Variants in SNTG2 observed in about 807,000 individuals in gnomAD.
SNTG2 encodes gamma-2-syntrophin.
SNTG2 carries 74 observed loss-of-function variants against 70.9 expected under a neutral mutation model. The ratio of observed to expected loss-of-function variants is 1.04; its 90% confidence interval spans 0.86 to 1.27. SNTG2 has a LOEUF of 1.27. Ranked by LOEUF, SNTG2 falls within the 50% of genes most tolerant of loss-of-function variation. The pLI is 0.00. For missense variants in SNTG2, 717 were observed against 690.7 expected, an observed-to-expected ratio of 1.04 and a Z score of -0.43; for synonymous variants, 278 against 273.8, an observed-to-expected ratio of 1.02 and a Z score of -0.15.
At chr2:1,121,134 A>C (rs190856249) in intron 4 of SNTG2, among the ~76,000 whole-genome samples, 78 of 152,158 alleles carry the variant, frequency 5.1e-4, no homozygotes, top group South Asian at 1.0e-3. Flanking sequence ...GAAATTAAAC[A>C]GTATTGCCCT....
chr2:1,091,778 G>A (rs565685220), intron 2 of SNTG2, among the ~76,000 whole-genome samples: 1 of 152,250 alleles, frequency 6.6e-6, no homozygotes, highest in African/African-American at 2.4e-5. Flanking sequence ...CTAATCCCAG[G>A]ATATTGAAAT....
intron 14 of SNTG2, among the ~76,000 whole-genome samples, chr2:1,271,992 G>A (rs1679047766): frequency 6.6e-6 from 1 of 152,076 alleles, no homozygotes; most frequent in Non-Finnish European, 1.5e-5. Context: ...CATCCACCCT[G>A]GGGACTGGAA....
At chr2:1,239,597 T>C (rs565449651) in intron 10 of SNTG2, 141 bp from the exon 11 acceptor site, 2 of 772,184 alleles carry the variant, frequency 2.6e-6, no homozygotes, top group East Asian at 5.5e-5. Flanking sequence ...TGACTCTGGC[T>C]AGGTCTTCAG....
chr2:1,123,764 G>A (rs778445205), intron 4 of SNTG2, among the ~76,000 whole-genome samples: 1 of 152,184 alleles, frequency 6.6e-6, no homozygotes, highest in Non-Finnish European at 1.5e-5. Context: ...CCTATGGATT[G>A]GGAAAGTATA....
intron 14 of SNTG2, among the ~76,000 whole-genome samples, chr2:1,271,037 A>G (rs533604260): frequency 1.3e-5 from 2 of 152,316 alleles, no homozygotes; most frequent in Non-Finnish European, 2.9e-5. Context: ...AGGTCAGTAC[A>G]TTTTACAGAA....
rs1315444970 is a variant in SNTG2, at chr2:1,248,796, C to G, written c.1005+1353C>G. On this transcript the variant is annotated intron_variant, in intron 12 of 16. Transcript: ENST00000308624. ...GAGATGCATGAAGGGGCTGAGGTGT[C>G]GGAGGACTTCCATGGACCCATATCA... Among the ~76,000 whole-genome samples the G allele has an allele frequency of 3.3e-5, 5 of 152,110 alleles. No homozygotes were observed. In the South Asian group the frequency reaches 8.3e-4, roughly 25 times the overall value.
chr2:960,590 C>T (rs1033729518), intron 1 of SNTG2, among the ~76,000 whole-genome samples: 1 of 147,746 alleles, frequency 6.8e-6, no homozygotes, highest in Non-Finnish European at 1.5e-5. Context: ...GGTGCTCCTA[C>T]TGCCTGCTCA....
At chr2:1,151,471 G>A (rs1043283912) in intron 6 of SNTG2, among the ~76,000 whole-genome samples, 2 of 152,150 alleles carry the variant, frequency 1.3e-5, no homozygotes, top group African/African-American at 4.8e-5. Context: ...CCTTCTGCCT[G>A]TTTCCAAACC....
chr2:1,277,889 G>T (rs930206122), intron 14 of SNTG2, among the ~76,000 whole-genome samples: 1 of 152,194 alleles, frequency 6.6e-6, no homozygotes, highest in Non-Finnish European at 1.5e-5. Flanking sequence ...GGAAGTGTCC[G>T]GCCCCACTCC....
intron 4 of SNTG2, among the ~76,000 whole-genome samples, chr2:1,114,764 C>T (rs1234993765): frequency 2.0e-5 from 3 of 149,042 alleles, no homozygotes; most frequent in Non-Finnish European, 4.4e-5. Context: ...AACCCTTATA[C>T]TCCTTTGAGA....
intron 2 of SNTG2, 59 bp downstream of exon 2, chr2:1,083,714 C>G: frequency 6.3e-7 from 1 of 1,590,204 alleles, no homozygotes; most frequent in Non-Finnish European, 8.6e-7. Context: ...CATGAACGGT[C>G]TTTGAAAAGT....
At chr2:1,346,953 C>T (rs867755931) in intron 16 of SNTG2, among the ~76,000 whole-genome samples, 2 of 152,136 alleles carry the variant, frequency 1.3e-5, no homozygotes, top group Admixed American at 1.3e-4. Context: ...GCATCCACCA[C>T]GTCATGCTGT....
At chr2:1,056,987 C>A (rs1244038512) in intron 1 of SNTG2, among the ~76,000 whole-genome samples, 1 of 138,640 alleles carries the variant, frequency 7.2e-6, no homozygotes, top group African/African-American at 2.7e-5. Flanking sequence ...CGGGGCCACC[C>A]CGTGGGGAGG....
chr2:1,158,068 G>C (rs1038682141), intron 6 of SNTG2, among the ~76,000 whole-genome samples: 1 of 152,184 alleles, frequency 6.6e-6, no homozygotes, highest in East Asian at 1.9e-4. Context: ...ATGGTGATTA[G>C]TAGATTCAGC....
chr2:1,042,145 A>T (rs1661475780), intron 1 of SNTG2, among the ~76,000 whole-genome samples: 2 of 152,324 alleles, frequency 1.3e-5, no homozygotes, highest in South Asian at 4.1e-4. Context: ...AACTAACGAC[A>T]GATACCAAAT....
intron 14 of SNTG2, among the ~76,000 whole-genome samples, chr2:1,276,254 T>C (rs953846725): frequency 6.6e-6 from 1 of 152,234 alleles, no homozygotes; most frequent in African/African-American, 2.4e-5. Flanking sequence ...AGCATTCTAT[T>C]GGAAGAAGAT....
intron 1 of SNTG2, among the ~76,000 whole-genome samples, chr2:978,086 A>G (rs975506228): frequency 2.6e-5 from 4 of 152,224 alleles, no homozygotes; most frequent in African/African-American, 9.6e-5. Flanking sequence ...GGATGGAGAC[A>G]TACCCAACAT....
intron 6 of SNTG2, 118 bp downstream of exon 6, chr2:1,137,927 A>C: frequency 9.6e-7 from 1 of 1,038,790 alleles, no homozygotes; most frequent in East Asian, 2.5e-5. Context: ...ATTGGAAAGA[A>C]AGCTCAAAGG....
chr2:972,235 G>T (rs1660768032), intron 1 of SNTG2, among the ~76,000 whole-genome samples: 1 of 152,102 alleles, frequency 6.6e-6, no homozygotes, highest in African/African-American at 2.4e-5. Context: ...CTACCAGTGT[G>T]GTGTTAAAGT....
Sources: allele counts gnomAD v4.1 joint callset (sites outside exome capture counted in the v4.1 genomes callset), GRCh38; gene constraint gnomAD v4.1.1; transcripts MANE v1.5; gene names NCBI Gene and HGNC (gene_info 2026-07-23, HGNC 2026-07-21).